ARHGAP24: variants seen among roughly 807,000 people sequenced by gnomAD.
ARHGAP24 encodes rho GTPase-activating protein 24.
Under a neutral mutation model 76.4 loss-of-function variants are expected in ARHGAP24, and 50 were observed. That is an observed-to-expected ratio of 0.65 (90% CI 0.52 to 0.83). ARHGAP24 has a LOEUF of 0.83. ARHGAP24 is among the 40% of genes least tolerant of loss of function. The pLI is 0.00. For synonymous variants in ARHGAP24, 345 were observed against 323.3 expected (o/e 1.07, Z -0.72); for missense variants, 930 against 914.2 (o/e 1.02, Z -0.22).
chr4:85,812,991 T>C (rs1729076642), intron 3 of ARHGAP24, among the ~76,000 whole-genome samples: 6 of 152,168 alleles, frequency 3.9e-5, no homozygotes, highest in Admixed American at 3.9e-4. Flanking sequence ...TCCTCAAAGC[T>C]TAGACATATG....
chr4:85,530,204 C>T (rs1187608688), intron 1 of ARHGAP24, among the ~76,000 whole-genome samples: 1 of 151,906 alleles, frequency 6.6e-6, no homozygotes, highest in African/African-American at 2.4e-5. Context: ...AAGTAGGAGA[C>T]TAGTGGGTAT....
intron 2 of ARHGAP24, among the ~76,000 whole-genome samples, chr4:85,683,113 G>GT (rs1342821567): frequency 1.9e-5 from 2 of 103,432 alleles, no homozygotes; most frequent in East Asian, 8.7e-4. Flanking sequence ...AGTGTGTGGG[G>GT]GGGTGGGGGG....
intron 3 of ARHGAP24, among the ~76,000 whole-genome samples, chr4:85,869,418 T>C: frequency 6.6e-6 from 1 of 152,102 alleles, no homozygotes; most frequent in Middle Eastern, 3.2e-3. Flanking sequence ...TTTGAAGACT[T>C]GAATTAGCTC....
chr4:85,476,947 A>G (rs964137985), intron 1 of ARHGAP24, among the ~76,000 whole-genome samples: 1 of 152,222 alleles, frequency 6.6e-6, no homozygotes, highest in African/African-American at 2.4e-5. Context: ...CCTGGCCTTC[A>G]GGTAGCAAGT....
intron 3 of ARHGAP24, among the ~76,000 whole-genome samples, chr4:85,904,412 G>A (rs28523568): frequency 0.16 from 24,476 of 152,158 alleles, 2,071 homozygotes; most frequent in South Asian, 0.3. Flanking sequence ...AGATATCTGC[G>A]CCCATTATTG....
chr4:85,842,405 G>A (rs1439206832), intron 3 of ARHGAP24, among the ~76,000 whole-genome samples: 1 of 152,086 alleles, frequency 6.6e-6, no homozygotes, highest in East Asian at 1.9e-4. Flanking sequence ...ACAGATTGGA[G>A]GGAGCAGTAT....
intron 2 of ARHGAP24, among the ~76,000 whole-genome samples, chr4:85,582,202 C>T (rs993540702): frequency 6.6e-6 from 1 of 152,022 alleles, no homozygotes; most frequent in Admixed American, 6.6e-5. Flanking sequence ...CATTTTCAAC[C>T]TATGAGAAGA....
intron 3 of ARHGAP24, 136 bp from the exon 4 acceptor site, chr4:85,923,512 G>T: frequency 7.9e-6 from 10 of 1,267,936 alleles, no homozygotes; most frequent in Non-Finnish European, 1.1e-5. Context: ...AGAAACCATG[G>T]TAAATATTTC....
At chr4:85,711,969 T>C (rs905286965) in intron 2 of ARHGAP24, among the ~76,000 whole-genome samples, 2 of 152,190 alleles carry the variant, frequency 1.3e-5, no homozygotes, top group Non-Finnish European at 2.9e-5. Context: ...CATTTTTCGC[T>C]CTTCACATTT....
At chr4:85,938,146 T>C (rs527470621) in intron 4 of ARHGAP24, among the ~76,000 whole-genome samples, 2 of 152,278 alleles carry the variant, frequency 1.3e-5, no homozygotes, top group Admixed American at 1.3e-4. Context: ...AATTCACCTG[T>C]GTGATTTACG....
chr4:85,881,460 GT>G (rs10707352), intron 3 of ARHGAP24, among the ~76,000 whole-genome samples: 150,220 of 151,370 alleles, frequency 0.99, 74,551 homozygotes, highest in Middle Eastern at 1. Flanking sequence ...AGGGTTTTGT[GT>G]TTTTTTTTTA....
chr4:85,795,121 T>A (rs1486067109), intron 3 of ARHGAP24, among the ~76,000 whole-genome samples: 1 of 152,244 alleles, frequency 6.6e-6, no homozygotes, highest in Non-Finnish European at 1.5e-5. Flanking sequence ...CCATGCTTCT[T>A]CCATTCCATG....
intron 3 of ARHGAP24, among the ~76,000 whole-genome samples, chr4:85,872,613 T>TTG (rs1553936997): frequency 1.4e-5 from 2 of 145,330 alleles, no homozygotes; most frequent in African/African-American, 5.2e-5. Flanking sequence ...TTTTTTTTTT[T>TTG]TTTTGACAGG....
rs535157927 is a variant in ARHGAP24, at chr4:85,478,317, A to T, written c.-21+2758A>T. ...CTTAGCCATGAAGTTAATGTTCTTC[A>T]TGTGAAGAGTGGAAGCCTCACATCG... On this transcript the variant is annotated intron_variant, in intron 1 of 9. Coordinates refer to ENST00000395184, the MANE Select transcript of ARHGAP24 (RefSeq NM_001025616.3). Among the ~76,000 whole-genome samples the T allele has an allele frequency of 3.3e-5, 5 of 152,374 alleles. No homozygotes were observed. In the South Asian group the frequency reaches 6.2e-4, roughly 19 times the overall value.
At chr4:85,481,669 A>G (rs1722821040) in intron 1 of ARHGAP24, among the ~76,000 whole-genome samples, 1 of 152,226 alleles carries the variant, frequency 6.6e-6, no homozygotes, top group African/African-American at 2.4e-5. Context: ...AGTAATCTAT[A>G]TCCATTACTT....
intron 5 of ARHGAP24, among the ~76,000 whole-genome samples, chr4:85,962,118 T>C (rs1378258134): frequency 6.6e-6 from 1 of 152,108 alleles, no homozygotes. Flanking sequence ...CCCATTGTGC[T>C]TCAAGCCCTA....
chr4:85,731,559 CT>C (rs564159730), intron 3 of ARHGAP24, among the ~76,000 whole-genome samples: 6 of 152,220 alleles, frequency 3.9e-5, no homozygotes, highest in Admixed American at 1.3e-4. Context: ...GATTATTGAC[CT>C]TTTTCCCAGT....
chr4:85,485,070 C>A (rs548515144), intron 1 of ARHGAP24, among the ~76,000 whole-genome samples: 1 of 151,530 alleles, frequency 6.6e-6, no homozygotes, highest in Non-Finnish European at 1.5e-5. Context: ...TGGGGCCAGG[C>A]GCACTGGCTC....
chr4:85,740,745 T>G (rs1465366776), intron 3 of ARHGAP24, among the ~76,000 whole-genome samples: 3 of 152,156 alleles, frequency 2.0e-5, no homozygotes, highest in Non-Finnish European at 4.4e-5. Flanking sequence ...TCTTTGCATA[T>G]TTTTGTAACC....
Sources: allele counts gnomAD v4.1 joint callset (sites outside exome capture counted in the v4.1 genomes callset), GRCh38; gene constraint gnomAD v4.1.1; transcripts MANE v1.5; gene names NCBI Gene and HGNC (gene_info 2026-07-23, HGNC 2026-07-21).